The following FBXL7 variants were observed in gnomAD, a reference collection of about 807,000 sequenced individuals.
FBXL7 encodes the protein F-box and leucine rich repeat protein 7, also known as F-box/LRR-repeat protein 7.
Under a neutral mutation model 38.3 loss-of-function variants are expected in FBXL7, and 12 were observed. The ratio of observed to expected loss-of-function variants is 0.31; its 90% CI spans 0.20 to 0.51. The LOEUF (loss-of-function observed/expected upper bound fraction) is 0.51. Ranked by LOEUF, FBXL7 falls within the 20% of genes least tolerant of loss-of-function variation. FBXL7 has a pLI of 0.98. For synonymous variants in FBXL7, 297 were observed against 300.9 expected (o/e 0.99, Z 0.13); for missense variants, 567 against 676.4 (o/e 0.84, Z 1.79).
intron 2 of FBXL7, among the ~76,000 whole-genome samples, chr5:15,792,069 G>A (rs1737291905): frequency 6.6e-6 from 1 of 152,120 alleles, no homozygotes; most frequent in Admixed American, 6.5e-5. Context: ...TTTACCAATA[G>A]CAAACCACTG....
intron 1 of FBXL7, among the ~76,000 whole-genome samples, chr5:15,587,373 T>G (rs375765325): frequency 6.6e-5 from 10 of 152,356 alleles, no homozygotes; most frequent in East Asian, 3.9e-4. Context: ...CAAAGCCTTT[T>G]ACTATGACCC....
intron 2 of FBXL7, among the ~76,000 whole-genome samples, chr5:15,661,222 A>G (rs1296591510): frequency 6.6e-6 from 1 of 152,174 alleles, no homozygotes; most frequent in Non-Finnish European, 1.5e-5. Flanking sequence ...TAGTGTATAG[A>G]AACACAGTTG....
At chr5:15,757,874 C>T (rs755873883) in intron 2 of FBXL7, among the ~76,000 whole-genome samples, 1 of 152,154 alleles carries the variant, frequency 6.6e-6, no homozygotes, top group Non-Finnish European at 1.5e-5. Context: ...CAGTCAGCCT[C>T]TCTGTATGGC....
At chr5:15,867,747 C>G (rs1250796316) in intron 2 of FBXL7, among the ~76,000 whole-genome samples, 1 of 152,172 alleles carries the variant, frequency 6.6e-6, no homozygotes. Context: ...AACACAACCA[C>G]AACAAAGAGG....
At chr5:15,741,707 A>G (rs912748967) in intron 2 of FBXL7, among the ~76,000 whole-genome samples, 47 of 152,334 alleles carry the variant, frequency 3.1e-4, no homozygotes, top group African/African-American at 1.1e-3. Flanking sequence ...AAAATATCGT[A>G]TAGTCCAGTT....
intron 1 of FBXL7, among the ~76,000 whole-genome samples, chr5:15,522,633 C>G (rs1737132251): frequency 6.6e-6 from 1 of 152,216 alleles, no homozygotes; most frequent in Non-Finnish European, 1.5e-5. Context: ...AGCCTGATTG[C>G]TGCTGGCTGT....
intron 2 of FBXL7, among the ~76,000 whole-genome samples, chr5:15,683,983 A>G (rs1234324374): frequency 6.6e-6 from 1 of 152,100 alleles, no homozygotes; most frequent in African/African-American, 2.4e-5. Context: ...TAATCATACA[A>G]AGGCCTTTTA....
At chr5:15,730,186 CAT>C (rs1436967408) in intron 2 of FBXL7, among the ~76,000 whole-genome samples, 7 of 151,816 alleles carry the variant, frequency 4.6e-5, no homozygotes, top group Admixed American at 6.6e-5. Context: ...TCCTGTTTCA[CAT>C]AGTCTCCAGT....
At chr5:15,572,462 A>G (rs1738824099) in intron 1 of FBXL7, among the ~76,000 whole-genome samples, 1 of 152,070 alleles carries the variant, frequency 6.6e-6, no homozygotes. Context: ...CACTGGCCGA[A>G]AGGTGTACTG....
intron 2 of FBXL7, among the ~76,000 whole-genome samples, chr5:15,621,101 T>A (rs953333481): frequency 4.6e-5 from 7 of 152,236 alleles, no homozygotes; most frequent in Non-Finnish European, 7.3e-5. Flanking sequence ...TTTGACCCAC[T>A]GGGAGTGTTC....
At chr5:15,870,654 A>G (rs999249426) in intron 2 of FBXL7, among the ~76,000 whole-genome samples, 2 of 152,206 alleles carry the variant, frequency 1.3e-5, no homozygotes, top group Non-Finnish European at 2.9e-5. Flanking sequence ...ATGTAGTTAT[A>G]TCACTTGTAA....
At chr5:15,795,704 A>AC (rs2126735742) in intron 2 of FBXL7, among the ~76,000 whole-genome samples, 1 of 152,314 alleles carries the variant, frequency 6.6e-6, no homozygotes, top group South Asian at 2.1e-4. Context: ...TATGGATGCC[A>AC]CATTGTTCTT....
intron 2 of FBXL7, among the ~76,000 whole-genome samples, chr5:15,698,332 A>G (rs1272702084): frequency 6.6e-6 from 1 of 152,206 alleles, no homozygotes; most frequent in Non-Finnish European, 1.5e-5. Context: ...TAAGTTGCAT[A>G]CAAATTAAGC....
At chr5:15,554,381 T>C (rs1331157434) in intron 1 of FBXL7, among the ~76,000 whole-genome samples, 2 of 152,202 alleles carry the variant, frequency 1.3e-5, no homozygotes, top group East Asian at 3.9e-4. Flanking sequence ...TGTGCTTCGA[T>C]TTAGAACAGT....
At chr5:15,619,172 C>T (rs943319823) in intron 2 of FBXL7, among the ~76,000 whole-genome samples, 3 of 152,160 alleles carry the variant, frequency 2.0e-5, no homozygotes, top group Non-Finnish European at 4.4e-5. Context: ...AGGATTTCTT[C>T]CTTTTTCCCC....
chr5:15,537,343 G>A (rs1339540015), intron 1 of FBXL7, among the ~76,000 whole-genome samples: 1 of 152,044 alleles, frequency 6.6e-6, no homozygotes, highest in African/African-American at 2.4e-5. Context: ...AAGTTTTTGA[G>A]GCATGAAAAC....
At chr5:15,520,685 A>G (rs590066) in intron 1 of FBXL7, among the ~76,000 whole-genome samples, 3,520 of 152,330 alleles carry the variant, frequency 0.023, 153 homozygotes, top group African/African-American at 0.08. Context: ...TATTTCCGAT[A>G]TTTGCTTTAT....
chr5:15,644,944 C>T (rs992267015), intron 2 of FBXL7, among the ~76,000 whole-genome samples: 2 of 152,082 alleles, frequency 1.3e-5, no homozygotes, highest in African/African-American at 2.4e-5. Context: ...CTGCAGCACC[C>T]CTGGGACTTT....
At chr5:15,830,534 T>C (rs1221287572) in intron 2 of FBXL7, among the ~76,000 whole-genome samples, 2 of 146,024 alleles carry the variant, frequency 1.4e-5, no homozygotes, top group East Asian at 4.2e-4. Flanking sequence ...ACGGAAAATT[T>C]TGCAAAGGTT....
Sources: gnomAD v4.1 joint callset for allele counts (sites outside exome capture counted in the v4.1 genomes callset) on GRCh38, gnomAD v4.1.1 for gene constraint, MANE v1.5 for transcripts, NCBI Gene and HGNC (gene_info 2026-07-23, HGNC 2026-07-21) for gene names.